Variants in PCDHA11 observed in about 807,000 individuals in gnomAD.
PCDHA11 encodes protocadherin alpha 11, also known as protocadherin alpha-11.
A neutral mutation model predicts 70.3 loss-of-function variants in PCDHA11; 61 were observed. The observed-to-expected ratio is 0.87, with a 90% CI of 0.71 to 1.07. The LOEUF is 1.07. PCDHA11 is among the 50% of genes least tolerant of loss of function. The pLI is 0.00. For missense variants in PCDHA11, 1,324 were observed against 1,237.5 expected (o/e 1.07, Z -1.05); for synonymous variants, 633 against 555.1 (o/e 1.14, Z -1.97).
At chr5:140,876,164 C>G in intron 1 of PCDHA11, 5 of 1,613,950 alleles carry the variant, frequency 3.1e-6, no homozygotes, top group Non-Finnish European at 4.2e-6. Context: ...ATTCAAATAA[C>G]CGTCCTGGAT....
intron 1 of PCDHA11, chr5:140,968,899 A>G (rs782594245): frequency 6.2e-7 from 1 of 1,614,130 alleles, no homozygotes; most frequent in Non-Finnish European, 8.5e-7. Context: ...TAATAATAGC[A>G]TTAAGCACAG....
At chr5:140,925,141 A>G (rs1287522151) in intron 1 of PCDHA11, among the ~76,000 whole-genome samples, 1 of 151,690 alleles carries the variant, frequency 6.6e-6, no homozygotes, top group Non-Finnish European at 1.5e-5. Context: ...TTTCAAACAT[A>G]CACAAAAGTT....
Position 141,009,792 on chromosome 5 carries a change from C to G in PCDHA11, c.2705C>G (p.Pro902Arg), listed in dbSNP as rs1359138927. ...SPAIISIRQEPTNSQIDKSDF... is the reference protein window; with the variant it reads ...SPAIISIRQERTNSQIDKSDF... ...GCAATCATCTCCATCCGGCAGGAGC[C>G]TACTAACAGCCAAATTGACAAAAGT... The change falls in exon 4 of 4, where the codon CCT (proline) becomes CGT (arginine). Residue 902 changes from proline (P) to arginine (R), a missense_variant. Physicochemically the swap from Pro to Arg is moderately radical, Grantham distance 103. Coordinates refer to ENST00000398640, the MANE Select transcript of PCDHA11 (RefSeq NM_018902.5). The G allele has an allele frequency of 4.3e-6, 7 of 1,613,950 alleles. 1 individual carries two copies. Among genetic ancestry groups the G allele is most frequent in the Middle Eastern group, 3.3e-4 (2 of 6,084 alleles).
intron 1 of PCDHA11, among the ~76,000 whole-genome samples, chr5:140,922,848 C>A (rs1345344826): frequency 6.6e-6 from 1 of 151,962 alleles, no homozygotes; most frequent in Non-Finnish European, 1.5e-5. Context: ...TCAAAGAGAC[C>A]AAATACATAG....
chr5:140,966,710 G>A, intron 1 of PCDHA11: 1 of 1,391,664 alleles, frequency 7.2e-7, no homozygotes, highest in Non-Finnish European at 9.3e-7. Flanking sequence ...GTGGGGCACG[G>A]CTGGGGAAGC....
chr5:140,988,862 T>G (rs1554250483), intron 3 of PCDHA11: 2 of 152,218 alleles, frequency 1.3e-5, no homozygotes, highest in Non-Finnish European at 1.5e-5. Flanking sequence ...CAGTCTCATG[T>G]GCACTCAGAT....
At chr5:140,942,467 A>C (rs1428565418) in intron 1 of PCDHA11, among the ~76,000 whole-genome samples, 1 of 152,142 alleles carries the variant, frequency 6.6e-6, no homozygotes, top group Non-Finnish European at 1.5e-5. Context: ...AATACAATCA[A>C]ATTCAAGCTA....
intron 1 of PCDHA11, among the ~76,000 whole-genome samples, chr5:140,978,737 G>A (rs2096820627): frequency 6.6e-6 from 1 of 152,180 alleles, no homozygotes; most frequent in Admixed American, 6.5e-5. Context: ...GGTCTTCCAG[G>A]GTATCTAATC....
At position 140,870,430 on chromosome 5, in the gene PCDHA11, G is replaced by A; in HGVS notation, c.1327G>A (p.Glu443Lys). The change falls in exon 1 of 4, where the codon GAG (glutamate) becomes AAG (lysine). Residue 443 changes from glutamate (E) to lysine (K), a missense_variant. Physicochemically the swap from Glu to Lys is moderately conservative, Grantham distance 56. Transcript: ENST00000398640. ...SLWATARVSV[E>K]VADVNDNAPA... ...GTGGGCCACGGCCAGGGTATCCGTG[G>A]AGGTGGCCGACGTGAACGACAATGC... The A allele has an allele frequency of 6.2e-7, 1 of 1,614,226 alleles. No homozygotes were observed. Among genetic ancestry groups the A allele is most frequent in the Non-Finnish European group, 8.5e-7 (1 of 1,180,038 alleles).
chr5:140,929,112 C>A, intron 1 of PCDHA11: 1 of 1,614,130 alleles, frequency 6.2e-7, no homozygotes, highest in South Asian at 1.1e-5. Flanking sequence ...TGACATCAGC[C>A]ACCATAGATG....
chr5:140,934,515 C>A (rs1163045974), intron 1 of PCDHA11, among the ~76,000 whole-genome samples: 1 of 152,214 alleles, frequency 6.6e-6, no homozygotes, highest in Admixed American at 6.5e-5. Context: ...GGTCCATAGA[C>A]CACACTTCGA....
rs782444555 is a variant in PCDHA11, at chr5:140,883,708, G to C, written c.2391+12214G>C. 1.2e-6 allele frequency: 2 copies of C among 1,613,664 alleles called. No homozygotes were observed. The highest frequency in any genetic ancestry group is 1.7e-6 in the Non-Finnish European group (2 of 1,179,838). On this transcript the variant is annotated intron_variant, in intron 1 of 3. Coordinates refer to ENST00000398640, the MANE Select transcript of PCDHA11 (RefSeq NM_018902.5). ...GCCACATCTTCACGGTGTCTGCTCA[G>C]GACGCGGACGCACAGGAGAACGCGC...
intron 3 of PCDHA11, among the ~76,000 whole-genome samples, chr5:141,005,519 C>T (rs1374058521): frequency 1.3e-5 from 2 of 151,140 alleles, no homozygotes; most frequent in Middle Eastern, 3.2e-3. Context: ...CTGGCTAACA[C>T]GGTGAAACCC....
At chr5:140,930,084 A>G (rs1350674790) in intron 1 of PCDHA11, 1 of 152,142 alleles carries the variant, frequency 6.6e-6, no homozygotes, top group Non-Finnish European at 1.5e-5. Flanking sequence ...CTCTCATAAC[A>G]TCTATTTATA....
intron 1 of PCDHA11, 82 bp downstream of exon 1, chr5:140,871,576 G>A (rs1554165757): frequency 4.1e-6 from 6 of 1,475,680 alleles, no homozygotes; most frequent in Non-Finnish European, 5.4e-6. Flanking sequence ...GATTTTTTAA[G>A]GGAAAGTTTT....
At chr5:140,875,342 A>G in intron 1 of PCDHA11, 1 of 1,443,152 alleles carries the variant, frequency 6.9e-7, no homozygotes, top group South Asian at 1.5e-5. Flanking sequence ...GATCGACTCC[A>G]TAATGACTGT....
chr5:140,986,853 A>G (rs1424493333), intron 3 of PCDHA11, among the ~76,000 whole-genome samples: 3 of 152,206 alleles, frequency 2.0e-5, no homozygotes, highest in Admixed American at 6.5e-5. Flanking sequence ...AGCAACACCA[A>G]CAATACCCGG....
At chr5:140,934,363 T>C (rs1354531260) in intron 1 of PCDHA11, among the ~76,000 whole-genome samples, 3 of 152,170 alleles carry the variant, frequency 2.0e-5, no homozygotes, top group African/African-American at 7.2e-5. Context: ...GCCACTGCTT[T>C]GACTCCTTCT....
At chr5:140,899,269 A>C (rs1301807291) in intron 1 of PCDHA11, among the ~76,000 whole-genome samples, 2 of 152,260 alleles carry the variant, frequency 1.3e-5, no homozygotes, top group East Asian at 3.9e-4. Context: ...GTCTTGTGGC[A>C]GTTTTCAAAG....
Sources: allele counts gnomAD v4.1 joint callset (sites outside exome capture counted in the v4.1 genomes callset), GRCh38; gene constraint gnomAD v4.1.1; transcripts MANE v1.5; gene names NCBI Gene and HGNC (gene_info 2026-07-23, HGNC 2026-07-21).